Variants in TMEFF2 observed in about 807,000 individuals in gnomAD.
TMEFF2 encodes tomoregulin-2.
Under a neutral mutation model 53.8 loss-of-function variants are expected in TMEFF2, and 28 were observed. The ratio of observed to expected loss-of-function variants is 0.52; its 90% CI spans 0.39 to 0.71. The LOEUF (loss-of-function observed/expected upper bound fraction) is 0.71. Among genes scored for constraint, TMEFF2 ranks in the 30% least tolerant of loss-of-function variants. The pLI is 0.00. For synonymous variants in TMEFF2, 162 were observed against 166.3 expected (o/e 0.97, Z 0.20); for missense variants, 353 against 455.2 (o/e 0.78, Z 2.04).
chr2:192,079,111 T>C (rs905312800), intron 4 of TMEFF2, among the ~76,000 whole-genome samples: 21 of 152,200 alleles, frequency 1.4e-4, no homozygotes, highest in African/African-American at 5.1e-4. Flanking sequence ...ACCTCAGCTT[T>C]CAAGCCAAGG....
At chr2:191,973,220 T>G (rs1015912633) in intron 7 of TMEFF2, among the ~76,000 whole-genome samples, 1 of 152,082 alleles carries the variant, frequency 6.6e-6, no homozygotes, top group African/African-American at 2.4e-5. Context: ...GATAAAAAGT[T>G]CATAGATTTG....
chr2:191,968,783 C>G (rs745463771), intron 7 of TMEFF2, among the ~76,000 whole-genome samples: 10 of 152,216 alleles, frequency 6.6e-5, no homozygotes, highest in Non-Finnish European at 1.5e-4. Flanking sequence ...AACCTCCCTG[C>G]TCTTTGGAGG....
rs1200103912 is a variant in TMEFF2 at position 192,194,541 on chromosome 2, TCTGCAG to T, written c.-23_-18del. The T allele has an allele frequency of 6.2e-7, 1 of 1,605,618 alleles. No homozygotes were observed. The highest frequency in any genetic ancestry group is 8.5e-7 in the Non-Finnish European group (1 of 1,174,630). On this transcript the variant is annotated 5_prime_UTR_variant, in exon 1 of 10. Transcript: ENST00000272771. The surrounding 1 kb of genome is among the most constrained non-coding windows in gnomAD (Gnocchi z 4.2). Reference sequence around the variant, plus strand: ...CAGCACCATGACTAGTTCGTGCAACTCTGCAGCAGCAAACGGCTTCCGAGGAACACA... The same window carrying T: ...CAGCACCATGACTAGTTCGTGCAACTCAGCAAACGGCTTCCGAGGAACACA...
At chr2:191,970,983 C>A (rs1692623628) in intron 7 of TMEFF2, among the ~76,000 whole-genome samples, 1 of 152,064 alleles carries the variant, frequency 6.6e-6, no homozygotes, top group African/African-American at 2.4e-5. Flanking sequence ...CATTTGCATC[C>A]CCAAAATTAT....
At chr2:192,114,121 C>T (rs1339057590) in intron 4 of TMEFF2, among the ~76,000 whole-genome samples, 2 of 141,492 alleles carry the variant, frequency 1.4e-5, no homozygotes, top group Non-Finnish European at 3.1e-5. Flanking sequence ...AGCCCTTAAC[C>T]AATAATAAAC....
intron 2 of TMEFF2, among the ~76,000 whole-genome samples, chr2:192,186,736 G>A (rs1231496202): frequency 6.6e-6 from 1 of 152,084 alleles, no homozygotes; most frequent in Non-Finnish European, 1.5e-5. Context: ...TACTTTGTAT[G>A]TAGATTATTT....
chr2:192,177,804 A>T (rs1691082358), intron 4 of TMEFF2: 1 of 151,090 alleles, frequency 6.6e-6, no homozygotes, highest in South Asian at 2.1e-4. Flanking sequence ...AAAATGTCTT[A>T]TTCAGATCAC....
Position 192,113,105 on chromosome 2 carries a change from T to C in TMEFF2, c.440-55330A>G, listed in dbSNP as rs768919048. Reference sequence around the variant, plus strand: ...TTTCAAGTGTTTTAACATGATTTAATTAATGTTGAAGGTTGTAGAGGCACT... The same window carrying C: ...TTTCAAGTGTTTTAACATGATTTAACTAATGTTGAAGGTTGTAGAGGCACT... On this transcript the variant is annotated intron_variant, in intron 4 of 9. Coordinates refer to ENST00000272771, the MANE Select transcript of TMEFF2 (RefSeq NM_016192.4). 7.8e-4 allele frequency among the ~76,000 whole-genome samples: 118 copies of C among 152,214 alleles called. 2 individuals carry two copies. The highest frequency in any genetic ancestry group is 2.1e-4 in the Non-Finnish European group (14 of 68,030).
chr2:192,158,290 G>A (rs1383336479), intron 4 of TMEFF2, among the ~76,000 whole-genome samples: 1 of 152,016 alleles, frequency 6.6e-6, no homozygotes, highest in African/African-American at 2.4e-5. Flanking sequence ...TTAAAGGACA[G>A]AACTTATTTG....
rs757336630 is a variant in TMEFF2 at position 192,194,354 on chromosome 2, A to G, written c.171T>C (p.Ser57=). The stretch of plus-strand genomic sequence containing the variant: ...CGGGGACGGGGGTTCTGGACTTACC[A>G]GAGCAATTCCAGCCGGTGGGCGTTT... ...DCQTPTGWNC[S]GYDDRENDLF... Residue 57 remains serine, a splice_region_variant and synonymous_variant, in exon 1 of 10, where the codon TCT becomes TCC. Transcript: ENST00000272771. This position sits in a 1 kb window ranked among gnomAD's most constrained non-coding sequence, Gnocchi z 4.2. The G allele has an allele frequency of 3.7e-6, 6 of 1,614,086 alleles. No homozygotes were observed. Among genetic ancestry groups the G allele is most frequent in the Non-Finnish European group, 5.1e-6 (6 of 1,179,964 alleles).
intron 5 of TMEFF2, among the ~76,000 whole-genome samples, chr2:192,038,525 T>C (rs551842895): frequency 6.6e-6 from 1 of 152,268 alleles, no homozygotes; most frequent in South Asian, 2.1e-4. Context: ...TCTTTTTTTA[T>C]TTATTTTTTT....
chr2:191,950,038 TTATTATATA>T lies in TMEFF2; in HGVS notation c.*264_*272del, dbSNP rs1691822402. The T allele has an allele frequency of 1.7e-6, 2 of 1,152,606 alleles. No homozygotes were observed. The highest frequency in any genetic ancestry group is 2.2e-6 in the Non-Finnish European group (2 of 928,686). 71.4% of individuals were successfully genotyped at this position (1,152,606 alleles called of 1,614,324 possible). ...CCAATTTTTTCTCATCACTGAGTAT[TTATTATATA>T]TAACAAATACATGGGAAAGAAAAAA... is the stretch of plus-strand genomic sequence containing the variant. On this transcript the variant is annotated 3_prime_UTR_variant, in exon 10 of 10. Transcript: ENST00000272771.
chr2:192,189,677 G>A (rs1432593507), intron 2 of TMEFF2, among the ~76,000 whole-genome samples: 1 of 151,720 alleles, frequency 6.6e-6, no homozygotes, highest in Non-Finnish European at 1.5e-5. Context: ...AGATACTAGG[G>A]CTAAAATAAC....
chr2:192,155,751 C>T (rs1690492072), intron 4 of TMEFF2, among the ~76,000 whole-genome samples: 2 of 151,930 alleles, frequency 1.3e-5, no homozygotes, highest in Non-Finnish European at 2.9e-5. Flanking sequence ...AGAGAACTGC[C>T]AAGACCCATG....
chr2:192,101,098 G>C (rs549105821), intron 4 of TMEFF2, among the ~76,000 whole-genome samples: 1 of 152,240 alleles, frequency 6.6e-6, no homozygotes, highest in Admixed American at 6.6e-5. Context: ...TCACATTATA[G>C]TTCATGGGAT....
At chr2:192,124,534 G>A (rs968541012) in intron 4 of TMEFF2, among the ~76,000 whole-genome samples, 4 of 152,112 alleles carry the variant, frequency 2.6e-5, no homozygotes, top group African/African-American at 9.7e-5. Context: ...GTCAAATTAA[G>A]ACTCCTGAGA....
At chr2:191,964,386 CTTTCTTTCTTTCTCTT>C (rs1559063642) in intron 7 of TMEFF2, among the ~76,000 whole-genome samples, 6 of 35,064 alleles carry the variant, frequency 1.7e-4, no homozygotes, top group Non-Finnish European at 3.2e-4. Context: ...TTCTTTCTTT[CTTTCTTTCTTTCTCTT>C]TCTTTCTTTC....
In TMEFF2 at chr2:191,960,916, G is replaced by T. The variant is rs142518405; in HGVS notation, c.746-4538C>A. On this transcript the variant is annotated intron_variant, in intron 7 of 9. Coordinates refer to ENST00000272771, the MANE Select transcript of TMEFF2 (RefSeq NM_016192.4). The stretch of plus-strand genomic sequence containing the variant: ...ATGTTGTAGACTGTTAATGTATATC[G>T]GTTAGATTACTTCAGAGCTCTAAGT... Among the ~76,000 whole-genome samples, 58 of 152,074 alleles carry T rather than the reference G, an allele frequency of 3.8e-4. No individual in the cohort carries two copies. In the East Asian group the frequency reaches 8.7e-3, roughly 23 times the overall value.
chr2:192,188,049 C>T (rs1691357920), intron 2 of TMEFF2, among the ~76,000 whole-genome samples: 1 of 151,974 alleles, frequency 6.6e-6, no homozygotes, highest in Non-Finnish European at 1.5e-5. Flanking sequence ...TTGTCAAAGG[C>T]TTAAGAAGAA....
Sources: allele counts gnomAD v4.1 joint callset (sites outside exome capture counted in the v4.1 genomes callset), GRCh38; gene constraint gnomAD v4.1.1; non-coding constraint Gnocchi (gnomAD v3.1); transcripts MANE v1.5; gene names NCBI Gene and HGNC (gene_info 2026-07-23, HGNC 2026-07-21).